Variants in CACNA1I observed in about 807,000 individuals in gnomAD.
The protein encoded by CACNA1I is calcium voltage-gated channel subunit alpha1 I.
CACNA1I carries 74 observed loss-of-function variants against 201.6 expected under a neutral mutation model. The ratio of observed to expected loss-of-function variants is 0.37; its 90% CI spans 0.30 to 0.45. The LOEUF (loss-of-function observed/expected upper bound fraction) is 0.45. CACNA1I is among the 20% of genes least tolerant of loss of function. The pLI, the probability that CACNA1I is intolerant of heterozygous loss-of-function variation, is 1.00. For missense variants in CACNA1I, 2,346 were observed against 3,138.1 expected, an observed-to-expected ratio of 0.75 and a Z score of 6.03; for synonymous variants, 1,431 against 1,345.2, an observed-to-expected ratio of 1.06 and a Z score of -1.40.
chr22:39,649,971 GC>G lies in CACNA1I; in HGVS notation c.1992+50del, dbSNP rs1257302730. 2.5e-6 allele frequency: 4 copies of G among 1,603,464 alleles called. No homozygotes were observed. In the Admixed American group the frequency reaches 6.7e-5, roughly 27 times the overall value. ...CCGGGCCTGCGGGAGAGGTGTGAGG[GC>G]CCCAGGACCCTGCCCAGGCCTGGGC... On this transcript the variant is annotated intron_variant, in intron 10 of 36. Coordinates refer to ENST00000402142, the MANE Select transcript of CACNA1I (RefSeq NM_021096.4). The surrounding 1 kb of genome is among the most constrained non-coding windows in gnomAD (Gnocchi z 7.3).
chr22:39,669,934 G>A, intron 24 of CACNA1I, 104 bp from the exon 25 acceptor site: 1 of 1,316,776 alleles, frequency 7.6e-7, no homozygotes, highest in Non-Finnish European at 1.1e-6. Flanking sequence ...CTGGAGGCAG[G>A]CTCAACACAT....
chr22:39,620,275 C>CATACATA (rs1569065762), intron 4 of CACNA1I, among the ~76,000 whole-genome samples: 1 of 44,406 alleles, frequency 2.3e-5, no homozygotes, highest in African/African-American at 6.8e-5. Context: ...ATCCATCCAT[C>CATACATA]CATACGTACA....
At chr22:39,595,008 C>T (rs945109353) in intron 1 of CACNA1I, among the ~76,000 whole-genome samples, 9 of 152,090 alleles carry the variant, frequency 5.9e-5, no homozygotes, top group African/African-American at 9.7e-5. Context: ...AGAACAATCA[C>T]GCCAGGCGCG....
At chr22:39,618,364 C>G (rs115765935) in intron 3 of CACNA1I, among the ~76,000 whole-genome samples, 1 of 141,114 alleles carries the variant, frequency 7.1e-6, no homozygotes, top group Non-Finnish European at 1.5e-5. Flanking sequence ...TGGTTGTGTG[C>G]GTGTGTGACT....
At chr22:39,633,631 G>A (rs1211045914) in intron 4 of CACNA1I, among the ~76,000 whole-genome samples, 1 of 151,994 alleles carries the variant, frequency 6.6e-6, no homozygotes, top group East Asian at 1.9e-4. Context: ...GCATGGAGGT[G>A]TGAAATCTCA....
In CACNA1I at chr22:39,580,502, T is replaced by C. The variant is rs1932512773; in HGVS notation, c.236+9514T>C. Among the ~76,000 whole-genome samples the C allele has an allele frequency of 2.6e-5, 4 of 152,178 alleles. No individual in the cohort carries two copies. In the South Asian group the frequency reaches 8.3e-4, roughly 31 times the overall value. On this transcript the variant is annotated intron_variant, in intron 1 of 36. Transcript: ENST00000402142. ...TGTCCCTGATCCAACCTGGGGGCAC[T>C]GGTGAAGCCTGCCTAGGGGAGGGGC... is the stretch of plus-strand genomic sequence containing the variant.
At chr22:39,577,356 G>T (rs1932391801) in intron 1 of CACNA1I, among the ~76,000 whole-genome samples, 1 of 152,216 alleles carries the variant, frequency 6.6e-6, no homozygotes, top group African/African-American at 2.4e-5. Context: ...CTTCTAAGCG[G>T]CCATCTGGTT....
intron 1 of CACNA1I, among the ~76,000 whole-genome samples, chr22:39,591,814 C>T (rs749881288): frequency 1.6e-4 from 24 of 152,320 alleles, no homozygotes; most frequent in Admixed American, 1.4e-3. Flanking sequence ...CCCGCCTTGG[C>T]CCCCCAAAGT....
chr22:39,666,855 A>T lies in CACNA1I; in HGVS notation c.4104+849A>T, dbSNP rs1197406313. 2.6e-5 allele frequency among the ~76,000 whole-genome samples: 4 copies of T among 152,160 alleles called. No homozygotes were observed. Among genetic ancestry groups the T allele is most frequent in the Non-Finnish European group, 4.4e-5 (3 of 68,008 alleles). ...CAGGGAAAGGGTGTCAGGAACCAGGACAGTCACTACCCCTGCCCTCCTGGG... is the reference window on the plus strand; with the variant it reads ...CAGGGAAAGGGTGTCAGGAACCAGGTCAGTCACTACCCCTGCCCTCCTGGG... On this transcript the variant is annotated intron_variant, in intron 23 of 36. Coordinates refer to ENST00000402142, the MANE Select transcript of CACNA1I (RefSeq NM_021096.4). This position sits in a 1 kb window ranked among gnomAD's most constrained non-coding sequence, Gnocchi z 4.1.
At chr22:39,610,678 G>A (rs929036209) in intron 3 of CACNA1I, among the ~76,000 whole-genome samples, 4 of 152,172 alleles carry the variant, frequency 2.6e-5, no homozygotes, top group African/African-American at 7.2e-5. Flanking sequence ...GAGGTCTCCA[G>A]CTTCAGGGCC....
At chr22:39,605,627 T>C (rs1933199415) in intron 3 of CACNA1I, among the ~76,000 whole-genome samples, 1 of 152,132 alleles carries the variant, frequency 6.6e-6, no homozygotes, top group Non-Finnish European at 1.5e-5. Context: ...ATAAAACACA[T>C]CACCACAACT....
At position 39,687,580 on chromosome 22, in the gene CACNA1I, A is replaced by G. The variant is rs1286946448; in HGVS notation, c.*1175A>G. On this transcript the variant is annotated 3_prime_UTR_variant, in exon 37 of 37. Coordinates refer to ENST00000402142, the MANE Select transcript of CACNA1I (RefSeq NM_021096.4). ...GGGCACCTGCCTGGGCCCTGGGTCCAGCCGCATCCCCATGCCCAGCCTTTC... is the reference window on the plus strand; with the variant it reads ...GGGCACCTGCCTGGGCCCTGGGTCCGGCCGCATCCCCATGCCCAGCCTTTC... The G allele has an allele frequency of 6.6e-6, 1 of 152,204 alleles. No homozygotes were observed. The highest frequency in any genetic ancestry group is 2.4e-5 in the African/African-American group (1 of 41,416). The allele number at this position is 152,204 out of a possible 1,614,324, so 9.4% of individuals were successfully genotyped here. A position where few individuals can be genotyped will look rare whatever the true frequency, so the allele number is the denominator to read the frequency against.
intron 1 of CACNA1I, among the ~76,000 whole-genome samples, chr22:39,577,140 C>T (rs138535692): frequency 0.012 from 1,751 of 152,146 alleles, 39 homozygotes; most frequent in African/African-American, 0.04. Flanking sequence ...TTAGTAGAGA[C>T]GTGGTTTCAC....
intron 1 of CACNA1I, among the ~76,000 whole-genome samples, chr22:39,590,337 C>G (rs1351530771): frequency 1.3e-5 from 2 of 152,198 alleles, no homozygotes; most frequent in Admixed American, 1.3e-4. Context: ...TTGCTGGCTT[C>G]CCCTCCCCTT....
chr22:39,594,416 C>T (rs904135203), intron 1 of CACNA1I, among the ~76,000 whole-genome samples: 7 of 152,198 alleles, frequency 4.6e-5, no homozygotes, highest in South Asian at 2.1e-4. Context: ...TTAGAATGTT[C>T]GAACTTCAAA....
intron 3 of CACNA1I, among the ~76,000 whole-genome samples, chr22:39,611,890 G>A (rs151201431): frequency 7.1e-4 from 108 of 152,224 alleles, no homozygotes; most frequent in African/African-American, 2.5e-3. Context: ...AATCCCCCCT[G>A]TACTCTGAGC....
rs1381091745 is a variant in CACNA1I at position 39,667,912 on chromosome 22, G to A, written c.4105-380G>A. Among the ~76,000 whole-genome samples, 5 of 152,126 alleles carry A rather than the reference G, an allele frequency of 3.3e-5. No homozygotes were observed. In the East Asian group the frequency reaches 9.7e-4, roughly 29 times the overall value. On this transcript the variant is annotated intron_variant, in intron 23 of 36. Transcript: ENST00000402142. Reference sequence around the variant, plus strand: ...GAGTAAGGATGGCAGGGACCGTCTGGTTGAGCCTCAGCTGGCCCTCCCAGC... The same window carrying A: ...GAGTAAGGATGGCAGGGACCGTCTGATTGAGCCTCAGCTGGCCCTCCCAGC...
At chr22:39,682,859 A>G (rs908969447) in intron 35 of CACNA1I, among the ~76,000 whole-genome samples, 198 bp downstream of exon 35, 3 of 152,212 alleles carry the variant, frequency 2.0e-5, no homozygotes, top group Non-Finnish European at 4.4e-5. Context: ...AGAGCCAAAT[A>G]GTACAAAAAG....
Position 39,663,702 on chromosome 22 carries a change from C to CCCCCCCCCA in CACNA1I, c.3474-16_3474-15insCCCCCCCCA. The stretch of plus-strand genomic sequence containing the variant: ...AGGCAGCTGACGCTCAGGCAGCCCC[C>CCCCCCCCCA]GCCCACCCTGCCCAGGTTCCGGGTC... On this transcript the variant is annotated splice_polypyrimidine_tract_variant and intron_variant, in intron 18 of 36. Coordinates refer to ENST00000402142, the MANE Select transcript of CACNA1I (RefSeq NM_021096.4). 1.8e-5 allele frequency: 29 copies of CCCCCCCCCA among 1,610,304 alleles called. No individual in the cohort carries two copies. Among genetic ancestry groups the CCCCCCCCCA allele is most frequent in the Non-Finnish European group, 2.5e-5 (29 of 1,177,426 alleles).
Sources: allele counts gnomAD v4.1 joint callset (sites outside exome capture counted in the v4.1 genomes callset), GRCh38; gene constraint gnomAD v4.1.1; non-coding constraint Gnocchi (gnomAD v3.1); transcripts MANE v1.5; gene names NCBI Gene and HGNC (gene_info 2026-07-23, HGNC 2026-07-21).